The following LIMS1 variants were observed in gnomAD, a reference collection of about 807,000 sequenced individuals.
The protein encoded by LIMS1 is LIM zinc finger domain containing 1.
In LIMS1, 18 loss-of-function variants were observed where a neutral mutation model predicts 44.1. The observed-to-expected ratio is 0.41, with a 90% CI of 0.28 to 0.61. The LOEUF is 0.61. LIMS1 is among the 20% of genes least tolerant of loss of function. The pLI is 0.32. For synonymous variants in LIMS1, 93 were observed against 149.1 expected (o/e 0.62, Z 2.74); for missense variants, 201 against 422.0 (o/e 0.48, Z 4.59).
At chr2:108,683,735 G>A in intron 9 of LIMS1, 150 bp from the exon 10 acceptor site, 1 of 420,594 alleles carries the variant, frequency 2.4e-6, no homozygotes, top group Non-Finnish European at 4.3e-6. Context: ...AAGAATTGAG[G>A]TTAGGATTAT....
At chr2:108,680,540 TAAAA>T (rs772500201) in intron 8 of LIMS1, among the ~76,000 whole-genome samples, 151 bp from the exon 9 acceptor site, 1 of 81,582 alleles carries the variant, frequency 1.2e-5, no homozygotes, top group Non-Finnish European at 2.4e-5. Flanking sequence ...CTGTCTCATT[TAAAA>T]AAAAAAAAAA....
At chr2:108,630,980 T>C (rs1688887275) in intron 1 of LIMS1, among the ~76,000 whole-genome samples, 1 of 152,242 alleles carries the variant, frequency 6.6e-6, no homozygotes, top group African/African-American at 2.4e-5. Context: ...ACATCTCAAG[T>C]TACTGCTTTT....
intron 1 of LIMS1, among the ~76,000 whole-genome samples, chr2:108,623,383 AT>A (rs1280613604): frequency 1.3e-5 from 2 of 152,056 alleles, no homozygotes; most frequent in Non-Finnish European, 1.5e-5. Flanking sequence ...AAGTTATATA[AT>A]TTTTTTAAGT....
In LIMS1 at chr2:108,647,459, T is replaced by C. The variant is rs557555047; in HGVS notation, c.33-12146T>C. On this transcript the variant is annotated intron_variant, in intron 1 of 9. Coordinates refer to ENST00000544547, the Ensembl canonical transcript of LIMS1. ...AAAAAAGGGACTCCTCCCTAACTCA[T>C]TTTATGAGGCCAGCATCATCCTGAT... 1.4e-3 allele frequency among the ~76,000 whole-genome samples: 209 copies of C among 152,322 alleles called. 1 individual carries two copies. Among genetic ancestry groups the C allele is most frequent in the African/African-American group, 4.9e-3 (204 of 41,586 alleles).
chr2:108,583,994 G>T (rs1685995836), intron 1 of LIMS1, among the ~76,000 whole-genome samples: 1 of 151,584 alleles, frequency 6.6e-6, no homozygotes, highest in Admixed American at 6.6e-5. Flanking sequence ...GCACCTGGCT[G>T]TTGTTGCTGT....
At chr2:108,595,846 C>A (rs914627472) in intron 1 of LIMS1, among the ~76,000 whole-genome samples, 7 of 152,158 alleles carry the variant, frequency 4.6e-5, no homozygotes, top group African/African-American at 1.7e-4. Flanking sequence ...AAATCTACCA[C>A]CTTAATCATT....
intron 1 of LIMS1, among the ~76,000 whole-genome samples, chr2:108,549,275 G>GTT (rs1558782542): frequency 1.7e-4 from 15 of 86,454 alleles, no homozygotes; most frequent in Non-Finnish European, 2.2e-4. Flanking sequence ...CAAGTAAAGT[G>GTT]TTTCTTTTTT....
intron 1 of LIMS1, among the ~76,000 whole-genome samples, chr2:108,591,336 G>A (rs568559578): frequency 1.5e-4 from 23 of 152,282 alleles, no homozygotes; most frequent in African/African-American, 2.6e-4. Context: ...ATGATGCGGT[G>A]GGGCCTGAAC....
At chr2:108,583,826 C>A (rs1685989220) in intron 1 of LIMS1, among the ~76,000 whole-genome samples, 1 of 151,662 alleles carries the variant, frequency 6.6e-6, no homozygotes, top group Non-Finnish European at 1.5e-5. Context: ...TCCCGGGTAA[C>A]TGGGACCACA....
At chr2:108,669,625 TATA>T (rs1328985234) in intron 2 of LIMS1, among the ~76,000 whole-genome samples, 1 of 152,020 alleles carries the variant, frequency 6.6e-6, no homozygotes, top group Non-Finnish European at 1.5e-5. Context: ...ACTTTTGGCA[TATA>T]ACTTGTAAGG....
chr2:108,573,920 A>C (rs1365363034), intron 1 of LIMS1, among the ~76,000 whole-genome samples: 1 of 152,144 alleles, frequency 6.6e-6, no homozygotes, highest in Non-Finnish European at 1.5e-5. Flanking sequence ...TGAGGAACTC[A>C]CTGAGGTTAG....
intron 1 of LIMS1, among the ~76,000 whole-genome samples, chr2:108,642,335 GTTTT>G (rs1332814174): frequency 2.9e-5 from 1 of 34,146 alleles, no homozygotes; most frequent in Admixed American, 3.0e-4. Flanking sequence ...AGCTACTAGT[GTTTT>G]TTGTTTTTTT....
At chr2:108,581,072 C>T (rs1411020667) in intron 1 of LIMS1, among the ~76,000 whole-genome samples, 1 of 152,154 alleles carries the variant, frequency 6.6e-6, no homozygotes, top group East Asian at 1.9e-4. Flanking sequence ...TTCTGCTTCC[C>T]TACCTTAGGC....
intron 1 of LIMS1, among the ~76,000 whole-genome samples, chr2:108,601,162 C>A (rs918490012): frequency 1.3e-5 from 2 of 152,102 alleles, no homozygotes; most frequent in Non-Finnish European, 2.9e-5. Flanking sequence ...GGTAAACAAG[C>A]TTTATCCCAC....
rs567883496 is a variant in LIMS1 at position 108,676,274 on chromosome 2, G to A, written c.681+246G>A. On this transcript the variant is annotated intron_variant, in intron 6 of 9. Transcript: ENST00000544547. ...TTGTGAATGTCTCAGTAATGATACA[G>A]GATGTGTACTTTTGCTCCTAAAGCC... 3.0e-3 allele frequency among the ~76,000 whole-genome samples: 454 copies of A among 152,314 alleles called. 1 individual carries two copies. Among genetic ancestry groups the A allele is most frequent in the Non-Finnish European group, 4.6e-3 (312 of 68,016 alleles).
At chr2:108,601,718 T>C (rs1409888035) in intron 1 of LIMS1, among the ~76,000 whole-genome samples, 3 of 152,234 alleles carry the variant, frequency 2.0e-5, no homozygotes, top group Non-Finnish European at 2.9e-5. Context: ...GGTTTCGCCA[T>C]GTTGGCCAGG....
At chr2:108,537,980 A>T (rs55728321) in intron 1 of LIMS1, among the ~76,000 whole-genome samples, 57,695 of 152,098 alleles carry the variant, frequency 0.38, 12,622 homozygotes, top group East Asian at 0.89. Flanking sequence ...ATTTAAATAA[A>T]TAAACCTCAG....
intron 2 of LIMS1, chr2:108,662,292 C>T: frequency 6.2e-7 from 1 of 1,612,022 alleles, no homozygotes; most frequent in South Asian, 1.1e-5. Context: ...GCTCCTGCTG[C>T]CGCATTTAGG....
rs199522503 is a variant in LIMS1, at chr2:108,550,512, TA to T, written c.32+15927del. Among the ~76,000 whole-genome samples, 359 of 135,376 alleles carry T rather than the reference TA, an allele frequency of 2.7e-3. 3 individuals are homozygous for T. The highest frequency in any genetic ancestry group is 8.6e-3 in the African/African-American group (307 of 35,788). The allele number at this position is 135,376 out of a possible 152,430, so 88.8% of individuals were successfully genotyped here. ...AGACTCCATCTCAAAAAAATAATAA[TA>T]AAAAAAAATAAATAAATAAAGCCCA... On this transcript the variant is annotated intron_variant, in intron 1 of 9. Coordinates refer to ENST00000544547, the Ensembl canonical transcript of LIMS1.
Sources: gnomAD v4.1 joint callset for allele counts (sites outside exome capture counted in the v4.1 genomes callset) on GRCh38, gnomAD v4.1.1 for gene constraint, MANE v1.5 for transcripts, NCBI Gene and HGNC (gene_info 2026-07-23, HGNC 2026-07-21) for gene names.